The following DLGAP1 variants were observed in gnomAD, a reference collection of about 807,000 sequenced individuals.
DLGAP1 encodes DLG associated protein 1, also known as disks large-associated protein 1.
In DLGAP1, 11 loss-of-function variants were observed where a neutral mutation model predicts 90.8. The ratio of observed to expected loss-of-function variants is 0.12; its 90% CI spans 0.08 to 0.20. DLGAP1 has a LOEUF of 0.20. Among genes scored for constraint, DLGAP1 ranks in the 10% least tolerant of loss-of-function variants. The pLI is 1.00. For synonymous variants in DLGAP1, 558 were observed against 540.7 expected, an observed-to-expected ratio of 1.03 and a Z score of -0.44; for missense variants, 1,050 against 1,333.8, an observed-to-expected ratio of 0.79 and a Z score of 3.31.
At chr18:3,730,450 A>G (rs1568029873) in intron 6 of DLGAP1, among the ~76,000 whole-genome samples, 1 of 152,162 alleles carries the variant, frequency 6.6e-6, no homozygotes, top group Non-Finnish European at 1.5e-5. Flanking sequence ...GCCCCACTTA[A>G]GAAAAAATAT....
chr18:3,681,703 C>T (rs1411347646), intron 7 of DLGAP1, among the ~76,000 whole-genome samples: 1 of 152,064 alleles, frequency 6.6e-6, no homozygotes, highest in Non-Finnish European at 1.5e-5. Context: ...GTTGTAATCC[C>T]CAATGTTGAA....
At chr18:3,922,120 A>T (rs2072281270) in intron 3 of DLGAP1, among the ~76,000 whole-genome samples, 1 of 152,184 alleles carries the variant, frequency 6.6e-6, no homozygotes, top group African/African-American at 2.4e-5. Context: ...CACAAATAGG[A>T]AATGTGAGAT....
At chr18:4,229,824 C>G (rs977158176) in intron 1 of DLGAP1, among the ~76,000 whole-genome samples, 2 of 151,986 alleles carry the variant, frequency 1.3e-5, no homozygotes, top group African/African-American at 4.8e-5. Context: ...AGTTCCTGCA[C>G]AGCAAAGGGA....
At chr18:3,951,946 G>C (rs1325975336) in intron 3 of DLGAP1, among the ~76,000 whole-genome samples, 1 of 152,158 alleles carries the variant, frequency 6.6e-6, no homozygotes, top group East Asian at 1.9e-4. Context: ...CTTTATAGCA[G>C]TGTGAAAATG....
intron 7 of DLGAP1, among the ~76,000 whole-genome samples, chr18:3,643,462 G>A (rs1291936389): frequency 6.6e-6 from 1 of 151,946 alleles, no homozygotes; most frequent in Non-Finnish European, 1.5e-5. Flanking sequence ...AGGAGATCGA[G>A]ACCATCCTGG....
chr18:4,008,769 T>G (rs1027710405), intron 2 of DLGAP1, among the ~76,000 whole-genome samples: 1 of 152,254 alleles, frequency 6.6e-6, no homozygotes, highest in Non-Finnish European at 1.5e-5. Flanking sequence ...TTTTTTGTAT[T>G]CGTTTTTACT....
chr18:3,635,255 C>G (rs972122686), intron 7 of DLGAP1, among the ~76,000 whole-genome samples: 2 of 151,960 alleles, frequency 1.3e-5, no homozygotes, highest in Non-Finnish European at 2.9e-5. Context: ...CTCAGCCTCC[C>G]GAGTAGCTGG....
intron 1 of DLGAP1, among the ~76,000 whole-genome samples, chr18:4,367,867 T>A (rs2081812851): frequency 6.6e-6 from 1 of 152,002 alleles, no homozygotes; most frequent in Non-Finnish European, 1.5e-5. Flanking sequence ...AAAAGAAACT[T>A]AAAATTTTTT....
rs118080980 is a variant in DLGAP1 at position 4,377,866 on chromosome 18, A to G, written c.-267+77140T>C. ...GTACCTTTGATTTTCAAATTCTACA[A>G]TTTGGAATCCATCATTTATAAGTAT... On this transcript the variant is annotated intron_variant, in intron 1 of 12. Coordinates refer to ENST00000315677, the MANE Select transcript of DLGAP1 (RefSeq NM_004746.4). Among the ~76,000 whole-genome samples the G allele has an allele frequency of 4.4e-3, 666 of 152,076 alleles. 2 individuals are homozygous for G. The highest frequency in any genetic ancestry group is 7.2e-3 in the Non-Finnish European group (486 of 67,948).
At chr18:3,545,655 G>A (rs1459780529) in intron 9 of DLGAP1, among the ~76,000 whole-genome samples, 3 of 151,996 alleles carry the variant, frequency 2.0e-5, no homozygotes, top group East Asian at 1.9e-4. Flanking sequence ...CCAGGAGTTC[G>A]AGACCAGCCT....
intron 4 of DLGAP1, among the ~76,000 whole-genome samples, chr18:3,834,383 T>C (rs1476812925): frequency 1.3e-5 from 2 of 150,638 alleles, no homozygotes; most frequent in Non-Finnish European, 3.0e-5. Flanking sequence ...GCAAAATGCA[T>C]GGTAGTGAAT....
chr18:4,147,394 T>G (rs1362788243), intron 2 of DLGAP1, among the ~76,000 whole-genome samples: 2 of 152,202 alleles, frequency 1.3e-5, no homozygotes, highest in Non-Finnish European at 2.9e-5. Context: ...GCTTTAACTA[T>G]GTAGTGTTAT....
At chr18:3,740,388 G>A (rs557085898) in intron 6 of DLGAP1, among the ~76,000 whole-genome samples, 5 of 152,194 alleles carry the variant, frequency 3.3e-5, no homozygotes, top group Admixed American at 6.5e-5. Context: ...TAACCAGCAC[G>A]AATAGGTTTG....
intron 2 of DLGAP1, among the ~76,000 whole-genome samples, chr18:4,135,071 ACTCT>A (rs889751686): frequency 5.3e-5 from 8 of 152,092 alleles, no homozygotes; most frequent in African/African-American, 1.9e-4. Context: ...TGATCTCCAA[ACTCT>A]CTCTGACTAT....
intron 5 of DLGAP1, among the ~76,000 whole-genome samples, chr18:3,791,925 T>TAA (rs1015394398): frequency 6.6e-6 from 1 of 151,982 alleles, no homozygotes; most frequent in African/African-American, 2.4e-5. Flanking sequence ...AAAATAAAAT[T>TAA]AAAAAAAGGC....
intron 1 of DLGAP1, among the ~76,000 whole-genome samples, chr18:4,255,005 A>AT (rs2078859462): frequency 6.6e-6 from 1 of 152,250 alleles, no homozygotes; most frequent in Non-Finnish European, 1.5e-5. Flanking sequence ...GCATAAAGGA[A>AT]TGCACAGAAT....
At chr18:3,506,995 G>C (rs971874946) in intron 11 of DLGAP1, among the ~76,000 whole-genome samples, 1 of 152,054 alleles carries the variant, frequency 6.6e-6, no homozygotes, top group Admixed American at 6.6e-5. Context: ...TTTTCTGAGA[G>C]AGGGAAAACA....
At chr18:4,243,237 T>C (rs1037092897) in intron 1 of DLGAP1, among the ~76,000 whole-genome samples, 6 of 59,834 alleles carry the variant, frequency 1.0e-4, no homozygotes, top group Admixed American at 7.8e-4. Flanking sequence ...TCCTTAATAG[T>C]TCTTTTCGGT....
chr18:4,431,650 C>T (rs555855812), intron 1 of DLGAP1, among the ~76,000 whole-genome samples: 92 of 152,246 alleles, frequency 6.0e-4, no homozygotes, highest in African/African-American at 1.9e-3. Context: ...GCTTATTTTT[C>T]GGAATAGAAT....
Sources: gnomAD v4.1 joint callset for allele counts (sites outside exome capture counted in the v4.1 genomes callset) on GRCh38, gnomAD v4.1.1 for gene constraint, MANE v1.5 for transcripts, NCBI Gene and HGNC (gene_info 2026-07-23, HGNC 2026-07-21) for gene names.